The following JAK2 variants were observed in gnomAD, a reference collection of about 807,000 sequenced individuals.
JAK2 encodes the protein Janus kinase 2, also known as tyrosine-protein kinase JAK2.
A neutral mutation model predicts 139.3 loss-of-function variants in JAK2; 86 were observed. That is an observed-to-expected ratio of 0.62 (90% CI 0.52 to 0.74). JAK2 has a LOEUF of 0.74. Ranked by LOEUF, JAK2 falls within the 30% of genes least tolerant of loss-of-function variation. The pLI, the probability that JAK2 is intolerant of heterozygous loss-of-function variation, is 0.00. For missense variants in JAK2, 1,421 were observed against 1,360.3 expected, an observed-to-expected ratio of 1.04 and a Z score of -0.70; for synonymous variants, 490 against 437.7, an observed-to-expected ratio of 1.12 and a Z score of -1.49.
chr9:5,087,512 C>G (rs1358014404), intron 19 of JAK2, among the ~76,000 whole-genome samples: 2 of 140,220 alleles, frequency 1.4e-5, no homozygotes, highest in East Asian at 2.0e-4. Flanking sequence ...CTATCTCAAA[C>G]CCTTCTGGTT....
intron 2 of JAK2, among the ~76,000 whole-genome samples, chr9:4,988,047 T>C (rs902266573): frequency 6.6e-6 from 1 of 152,228 alleles, no homozygotes; most frequent in Admixed American, 6.5e-5. Flanking sequence ...TTTGACTTTG[T>C]GTCTCTGCTT....
At chr9:5,109,760 T>C (rs1822283895) in intron 22 of JAK2, 1 of 152,212 alleles carries the variant, frequency 6.6e-6, no homozygotes, top group Non-Finnish European at 1.5e-5. Flanking sequence ...CTAGTAGCAC[T>C]ATTTGTTACC....
At chr9:5,003,842 C>A (rs770292301) in intron 2 of JAK2, among the ~76,000 whole-genome samples, 10 of 143,376 alleles carry the variant, frequency 7.0e-5, no homozygotes, top group African/African-American at 2.5e-4. Context: ...TTTACTGTTA[C>A]CCTTTATCAG....
At chr9:5,023,774 G>A (rs1463442549) in intron 3 of JAK2, among the ~76,000 whole-genome samples, 1 of 152,174 alleles carries the variant, frequency 6.6e-6, no homozygotes, top group Non-Finnish European at 1.5e-5. Context: ...TAGTGGGGAA[G>A]TGGATATGAG....
intron 23 of JAK2, 110 bp from the exon 24 acceptor site, chr9:5,126,223 A>G (rs1823984552): frequency 1.5e-6 from 1 of 665,740 alleles, no homozygotes; most frequent in African/African-American, 1.9e-5. Context: ...GTTTGAAAAC[A>G]TACAAAAGCA....
At chr9:5,116,616 T>G (rs10815160) in intron 22 of JAK2, among the ~76,000 whole-genome samples, 59,226 of 152,094 alleles carry the variant, frequency 0.39, 15,070 homozygotes, top group African/African-American at 0.73. Context: ...AGAGATTTGG[T>G]TATACTTAAT....
At chr9:5,024,074 G>A (rs1046968796) in intron 3 of JAK2, among the ~76,000 whole-genome samples, 25 of 152,022 alleles carry the variant, frequency 1.6e-4, no homozygotes, top group African/African-American at 6.0e-4. Flanking sequence ...GGCTAATATG[G>A]TGAAACCTCA....
At chr9:5,057,435 T>C (rs1249299108) in intron 8 of JAK2, among the ~76,000 whole-genome samples, 1 of 152,098 alleles carries the variant, frequency 6.6e-6, no homozygotes, top group Non-Finnish European at 1.5e-5. Flanking sequence ...CATTTTTAAG[T>C]GTACAGTTTA....
At chr9:4,999,029 G>A (rs970994617) in intron 2 of JAK2, among the ~76,000 whole-genome samples, 3 of 151,814 alleles carry the variant, frequency 2.0e-5, no homozygotes, top group Admixed American at 6.6e-5. Context: ...GTTTCACCGT[G>A]TTAGCCAGGA....
intron 19 of JAK2, among the ~76,000 whole-genome samples, chr9:5,088,556 TAG>T (rs1820308787): frequency 6.6e-6 from 1 of 151,940 alleles, no homozygotes; most frequent in African/African-American, 2.4e-5. Context: ...AAAAAAAATG[TAG>T]AGTCATCCCA....
At chr9:5,116,441 ATGAG>A in intron 22 of JAK2, among the ~76,000 whole-genome samples, 1 of 152,338 alleles carries the variant, frequency 6.6e-6, no homozygotes, top group Non-Finnish European at 1.5e-5. Context: ...CTTTTAGGGT[ATGAG>A]TGAAACTAAA....
intron 11 of JAK2, 135 bp downstream of exon 11, chr9:5,069,343 G>T: frequency 1.8e-6 from 1 of 570,008 alleles, no homozygotes; most frequent in Non-Finnish European, 3.0e-6. Context: ...TTATTCTATT[G>T]TACAAGCATC....
At chr9:5,006,771 A>G (rs1159708400) in intron 2 of JAK2, among the ~76,000 whole-genome samples, 2 of 152,214 alleles carry the variant, frequency 1.3e-5, no homozygotes, top group East Asian at 3.8e-4. Context: ...CTCCTCTAAC[A>G]CTGAAGATCA....
Position 5,080,373 on chromosome 9 carries a change from C to T in JAK2, c.2276C>T (p.Ser759Phe). ...GGDKPLSALD[S>F]QRKLQFYEDR... ...GATAAACCTCTAAGTGCTCTGGATT[C>T]TCAAAGAGTAAGTTTATATAGACTA... Residue 759 changes from serine (S) to phenylalanine (F), a missense_variant, in exon 17 of 25, where the codon TCT becomes TTT. Ser to Phe is a radical substitution (Grantham distance 155). Coordinates refer to ENST00000381652, the MANE Select transcript of JAK2 (RefSeq NM_004972.4). The T allele has an allele frequency of 6.2e-7, 1 of 1,611,568 alleles. No individual in the cohort carries two copies.
chr9:4,995,728 C>G (rs116500898), intron 2 of JAK2, among the ~76,000 whole-genome samples: 4 of 152,124 alleles, frequency 2.6e-5, no homozygotes, highest in Non-Finnish European at 5.9e-5. Context: ...ATGAATAAAT[C>G]AAGCATTTAG....
chr9:5,047,864 G>T (rs560490631), intron 5 of JAK2, among the ~76,000 whole-genome samples: 1 of 152,138 alleles, frequency 6.6e-6, no homozygotes, highest in East Asian at 1.9e-4. Flanking sequence ...GCCTCCCAAA[G>T]TGCTGGGAGT....
chr9:5,024,053 G>A (rs1037967880), intron 3 of JAK2, among the ~76,000 whole-genome samples: 11 of 152,048 alleles, frequency 7.2e-5, no homozygotes, highest in East Asian at 5.8e-4. Context: ...TCAGGAGATC[G>A]AGATCATCCT....
intron 19 of JAK2, among the ~76,000 whole-genome samples, chr9:5,082,127 T>C (rs1215992286): frequency 6.7e-6 from 1 of 148,576 alleles, no homozygotes; most frequent in Non-Finnish European, 1.5e-5. Context: ...GACAAAAGTA[T>C]AGAGAAAGAA....
intron 5 of JAK2, among the ~76,000 whole-genome samples, chr9:5,049,458 A>G (rs1205560851): frequency 1.3e-5 from 2 of 152,114 alleles, no homozygotes; most frequent in Admixed American, 1.3e-4. Flanking sequence ...TTTTGTGTCC[A>G]TCATACATTT....
Sources: gnomAD v4.1 joint callset for allele counts (sites outside exome capture counted in the v4.1 genomes callset) on GRCh38, gnomAD v4.1.1 for gene constraint, MANE v1.5 for transcripts, NCBI Gene and HGNC (gene_info 2026-07-23, HGNC 2026-07-21) for gene names.